The following ERC2 variants were observed in gnomAD, a reference collection of about 807,000 sequenced individuals.
ERC2 encodes ELKS/RAB6-interacting/CAST family member 2, also known as ERC protein 2.
In ERC2, 42 loss-of-function variants were observed where a neutral mutation model predicts 114.8. The ratio of observed to expected loss-of-function variants is 0.37; its 90% CI spans 0.29 to 0.47. The LOEUF is 0.47. Ranked by LOEUF, ERC2 falls within the 20% of genes least tolerant of loss-of-function variation. The pLI, the probability that ERC2 is intolerant of heterozygous loss-of-function variation, is 0.99. For missense variants in ERC2, 939 were observed against 1,150.7 expected (o/e 0.82, Z 2.66); for synonymous variants, 454 against 425.5 (o/e 1.07, Z -0.82).
intron 14 of ERC2, among the ~76,000 whole-genome samples, chr3:55,749,173 A>G (rs1470144236): frequency 2.6e-5 from 4 of 152,180 alleles, no homozygotes; most frequent in African/African-American, 9.7e-5. Flanking sequence ...CCTGTAAAAG[A>G]GGCCCCCAGG....
intron 14 of ERC2, among the ~76,000 whole-genome samples, chr3:55,789,599 T>C (rs879349068): frequency 2.6e-5 from 4 of 152,210 alleles, no homozygotes; most frequent in Admixed American, 2.0e-4. Context: ...AAATACTTCA[T>C]GTGCAAAAGG....
At chr3:55,829,289 A>C (rs1316798155) in intron 14 of ERC2, among the ~76,000 whole-genome samples, 6 of 152,246 alleles carry the variant, frequency 3.9e-5, no homozygotes, top group Admixed American at 3.9e-4. Context: ...TCCTAAGATA[A>C]AGATTGATAC....
rs767949323 is a variant in ERC2, at chr3:56,010,525, A to C, written c.1844T>G (p.Ile615Arg). 7.4e-6 allele frequency: 12 copies of C among 1,613,550 alleles called. No individual in the cohort carries two copies. Among genetic ancestry groups the C allele is most frequent in the East Asian group, 2.2e-5 (1 of 44,860 alleles). The change falls in exon 9 of 18, where the codon ATA becomes AGA. Residue 615 changes from isoleucine to arginine, a missense_variant. This residue lies in a region of ERC2 where 149 missense variants were observed against 254.6 expected (regional missense o/e 0.59). Coordinates refer to ENST00000288221, the MANE Select transcript of ERC2 (RefSeq NM_015576.3). ...TTTGTTCTCTTTTCGGAAGGATTCTATCTCTTCTAGTCTTTCCCGATCATC... is the reference window on the plus strand; with the variant it reads ...TTTGTTCTCTTTTCGGAAGGATTCTCTCTCTTCTAGTCTTTCCCGATCATC... ...ERDDRERLEE[I>R]ESFRKENKDL...
chr3:55,981,636 A>AG (rs2070149249), intron 12 of ERC2, among the ~76,000 whole-genome samples: 1 of 152,180 alleles, frequency 6.6e-6, no homozygotes, highest in Non-Finnish European at 1.5e-5. Context: ...AGAGGAAAAG[A>AG]AGGAAATAGG....
At chr3:55,920,109 A>G (rs1221951865) in intron 13 of ERC2, among the ~76,000 whole-genome samples, 1 of 152,122 alleles carries the variant, frequency 6.6e-6, no homozygotes, top group Non-Finnish European at 1.5e-5. Context: ...GATGCACATT[A>G]CATTTTGGAG....
intron 6 of ERC2, among the ~76,000 whole-genome samples, chr3:56,114,084 T>C (rs2079104523): frequency 6.6e-6 from 1 of 152,136 alleles, no homozygotes; most frequent in Non-Finnish European, 1.5e-5. Flanking sequence ...TCATGCCAAA[T>C]GGGTTGGCTA....
chr3:55,637,848 G>A (rs2060021118), intron 17 of ERC2, among the ~76,000 whole-genome samples: 1 of 151,640 alleles, frequency 6.6e-6, no homozygotes, highest in African/African-American at 2.4e-5. Context: ...ATCTACATGG[G>A]CTAAGAATTT....
At chr3:55,938,793 T>C (rs1034554707) in intron 13 of ERC2, among the ~76,000 whole-genome samples, 6 of 152,142 alleles carry the variant, frequency 3.9e-5, no homozygotes, top group African/African-American at 1.4e-4. Flanking sequence ...CAGCATAACA[T>C]GAGCCTAGAG....
chr3:55,917,825 A>C (rs1395599887), intron 13 of ERC2, among the ~76,000 whole-genome samples: 1 of 152,128 alleles, frequency 6.6e-6, no homozygotes, highest in Non-Finnish European at 1.5e-5. Context: ...TATTTTTCTA[A>C]ATGCTTTGTG....
In ERC2 at chr3:56,452,020, A is replaced by G. The variant is rs187398036; in HGVS notation, c.-141+16228T>C. Among the ~76,000 whole-genome samples the G allele has an allele frequency of 9.3e-4, 142 of 152,316 alleles. 1 individual carries two copies. Among genetic ancestry groups the G allele is most frequent in the Admixed American group, 2.6e-3 (40 of 15,302 alleles). On this transcript the variant is annotated intron_variant, in intron 1 of 17. Transcript: ENST00000288221. ...ATCCAGTTTTTTAACCTGGACAAGAACTAAGGAGGGAAGTCAGATCCATAG... is the reference window on the plus strand; with the variant it reads ...ATCCAGTTTTTTAACCTGGACAAGAGCTAAGGAGGGAAGTCAGATCCATAG...
intron 17 of ERC2, among the ~76,000 whole-genome samples, chr3:55,514,262 G>C (rs896021647): frequency 6.6e-6 from 1 of 152,146 alleles, no homozygotes; most frequent in East Asian, 1.9e-4. Flanking sequence ...GCTGGGTGTG[G>C]TGGATGCCCC....
intron 17 of ERC2, among the ~76,000 whole-genome samples, chr3:55,668,395 C>T (rs1250205424): frequency 1.3e-5 from 2 of 152,184 alleles, no homozygotes; most frequent in Admixed American, 1.3e-4. Context: ...ATGGGGCAAC[C>T]TAAGACCCAC....
intron 17 of ERC2, among the ~76,000 whole-genome samples, chr3:55,663,409 C>T (rs1255716113): frequency 6.6e-6 from 1 of 152,220 alleles, no homozygotes; most frequent in Non-Finnish European, 1.5e-5. Context: ...GCTAAGCTCC[C>T]TTTCAGTGCC....
chr3:55,595,188 C>A (rs567550785), intron 17 of ERC2, among the ~76,000 whole-genome samples: 1 of 152,292 alleles, frequency 6.6e-6, no homozygotes, highest in South Asian at 2.1e-4. Context: ...GTGTTCCCTA[C>A]TAATATACAC....
intron 7 of ERC2, among the ~76,000 whole-genome samples, chr3:56,043,522 CAG>C (rs1489273127): frequency 1.3e-5 from 2 of 149,346 alleles, no homozygotes; most frequent in South Asian, 2.1e-4. Context: ...ACAAGACACT[CAG>C]AAAAAAAAAG....
chr3:55,583,007 A>C (rs2057336777), intron 17 of ERC2, among the ~76,000 whole-genome samples: 1 of 152,238 alleles, frequency 6.6e-6, no homozygotes, highest in South Asian at 2.1e-4. Flanking sequence ...GGACTAATAA[A>C]GGTTTATTGC....
intron 7 of ERC2, among the ~76,000 whole-genome samples, chr3:56,061,898 G>T (rs1159078646): frequency 6.6e-6 from 1 of 152,102 alleles, no homozygotes; most frequent in Non-Finnish European, 1.5e-5. Flanking sequence ...ATAATGCAAA[G>T]GAAAATTAGC....
chr3:55,748,015 C>T (rs1038619595), intron 14 of ERC2, among the ~76,000 whole-genome samples: 9 of 152,192 alleles, frequency 5.9e-5, no homozygotes, highest in African/African-American at 1.7e-4. Flanking sequence ...TGAAACCAGA[C>T]AGCAGCTGCA....
At position 55,837,440 on chromosome 3, in the gene ERC2, T is replaced by C. The variant is rs531072304; in HGVS notation, c.2564+50949A>G. Among the ~76,000 whole-genome samples the C allele has an allele frequency of 1.8e-4, 28 of 152,190 alleles. No individual in the cohort carries two copies. The East Asian group carries it at 5.4e-3, about 29-fold the overall frequency. On this transcript the variant is annotated intron_variant, in intron 14 of 17. Coordinates refer to ENST00000288221, the MANE Select transcript of ERC2 (RefSeq NM_015576.3). ...TATGCAGCCATAAAAAATGATGAGT[T>C]CATGTCCTTTGCAGGGACATGGATG...
Sources: gnomAD v4.1 joint callset for allele counts (sites outside exome capture counted in the v4.1 genomes callset) on GRCh38, gnomAD v4.1.1 for gene constraint, gnomAD v4.1.1 regional missense constraint, MANE v1.5 for transcripts, NCBI Gene and HGNC (gene_info 2026-07-23, HGNC 2026-07-21) for gene names.